The following ASB5 variants were observed in gnomAD, a reference collection of about 807,000 sequenced individuals.
ASB5 encodes ankyrin repeat and SOCS box containing 5.
ASB5 carries 45 observed loss-of-function variants against 42.1 expected under a neutral mutation model. The observed-to-expected ratio is 1.07, with a 90% confidence interval of 0.84 to 1.37. The LOEUF (loss-of-function observed/expected upper bound fraction) is 1.37. Among genes scored for constraint, ASB5 ranks in the 40% most tolerant of loss-of-function variants. ASB5 has a pLI of 0.00. For missense variants in ASB5, 402 were observed against 399.8 expected (o/e 1.01, Z -0.05); for synonymous variants, 147 against 150.6 (o/e 0.98, Z 0.18).
At chr4:176,258,867 C>T (rs1039820121) in intron 1 of ASB5, among the ~76,000 whole-genome samples, 3 of 152,142 alleles carry the variant, frequency 2.0e-5, no homozygotes, top group African/African-American at 4.8e-5. Context: ...TCAGTAGACT[C>T]CAAGTACTAA....
chr4:176,266,970 G>A (rs1339822774), intron 1 of ASB5, among the ~76,000 whole-genome samples: 2 of 152,132 alleles, frequency 1.3e-5, no homozygotes, highest in African/African-American at 4.8e-5. Flanking sequence ...AGTCTAATGA[G>A]GGGATGAGTG....
At chr4:176,242,079 C>T (rs935244574) in intron 1 of ASB5, among the ~76,000 whole-genome samples, 2 of 152,104 alleles carry the variant, frequency 1.3e-5, no homozygotes, top group Non-Finnish European at 2.9e-5. Context: ...TGTGCAAACA[C>T]CCACGGCACC....
chr4:176,257,560 A>AACATACCTT, intron 1 of ASB5, among the ~76,000 whole-genome samples: 1 of 152,216 alleles, frequency 6.6e-6, no homozygotes, highest in Non-Finnish European at 1.5e-5. Flanking sequence ...TTTGTATCAG[A>AACATACCTT]GGGAGTACCT....
intron 1 of ASB5, among the ~76,000 whole-genome samples, chr4:176,234,846 T>C (rs1157562268): frequency 6.6e-6 from 1 of 152,214 alleles, no homozygotes; most frequent in African/African-American, 2.4e-5. Context: ...GGGGCAATCA[T>C]ACTTACATAT....
chr4:176,260,955 G>A (rs1469541004), intron 1 of ASB5, among the ~76,000 whole-genome samples: 2 of 152,200 alleles, frequency 1.3e-5, no homozygotes, highest in Non-Finnish European at 2.9e-5. Context: ...GGTTACAGGC[G>A]TGAGCCACCA....
chr4:176,260,165 C>G (rs1754230234), intron 1 of ASB5, among the ~76,000 whole-genome samples: 1 of 152,110 alleles, frequency 6.6e-6, no homozygotes, highest in Admixed American at 6.5e-5. Flanking sequence ...TATTTTAAAG[C>G]CCAACTTATG....
At chr4:176,236,356 C>G (rs768596970) in intron 1 of ASB5, among the ~76,000 whole-genome samples, 2 of 152,110 alleles carry the variant, frequency 1.3e-5, no homozygotes, top group African/African-American at 4.8e-5. Flanking sequence ...CTGCTCCCCG[C>G]CTCTAGCACA....
chr4:176,235,179 G>T (rs966008866), intron 1 of ASB5, among the ~76,000 whole-genome samples: 4 of 152,104 alleles, frequency 2.6e-5, no homozygotes, highest in Non-Finnish European at 4.4e-5. Context: ...AAGAATTGTG[G>T]AATTGTGTTT....
chr4:176,245,306 T>C (rs1217808723), intron 1 of ASB5, among the ~76,000 whole-genome samples: 3 of 152,192 alleles, frequency 2.0e-5, no homozygotes, highest in Admixed American at 6.5e-5. Context: ...ATGCTCATCA[T>C]CACTGGTCAT....
intron 1 of ASB5, among the ~76,000 whole-genome samples, chr4:176,230,184 A>G (rs1057413766): frequency 2.6e-5 from 4 of 152,192 alleles, no homozygotes; most frequent in Admixed American, 2.0e-4. Flanking sequence ...ATAAATAATA[A>G]CTAGCATTAT....
At chr4:176,222,034 T>A (rs1482598173) in intron 3 of ASB5, among the ~76,000 whole-genome samples, 1 of 152,222 alleles carries the variant, frequency 6.6e-6, no homozygotes. Context: ...GCAAACGTTA[T>A]AGACCTAAAG....
chr4:176,268,175 A>G (rs1311950040), intron 1 of ASB5, among the ~76,000 whole-genome samples: 1 of 152,162 alleles, frequency 6.6e-6, no homozygotes, highest in Non-Finnish European at 1.5e-5. Flanking sequence ...GTACCGACCC[A>G]ATAGAACCTA....
intron 1 of ASB5, among the ~76,000 whole-genome samples, chr4:176,261,974 A>G (rs1350247237): frequency 6.6e-6 from 1 of 151,530 alleles, no homozygotes; most frequent in East Asian, 1.9e-4. Context: ...TATATTACAG[A>G]TATGTTGGTA....
chr4:176,250,262 G>A (rs1754008302), intron 1 of ASB5, among the ~76,000 whole-genome samples: 2 of 152,122 alleles, frequency 1.3e-5, no homozygotes, highest in South Asian at 2.1e-4. Flanking sequence ...TTCACAAAAG[G>A]TAGCTTGGGT....
rs1753238172 is a variant in ASB5 at position 176,222,336 on chromosome 4, T to C, written c.361A>G (p.Thr121Ala). 3.7e-6 allele frequency: 6 copies of C among 1,613,672 alleles called. No homozygotes were observed. The highest frequency in any genetic ancestry group is 5.1e-6 in the Non-Finnish European group (6 of 1,179,576). Residue 121 changes from threonine to alanine, a missense_variant, in exon 3 of 7, where the codon ACT becomes GCT. By Grantham distance (58) the Thr-to-Ala change is moderately conservative. Coordinates refer to ENST00000296525, the MANE Select transcript of ASB5 (RefSeq NM_080874.4). ...ACATTAGCTCCTGCTTCCAGCAGAG[T>C]TCTGGCACATGCCACGTGATCTCCA... ...CLGDHVACAR[T>A]LLEAGANVNA...
chr4:176,222,268 T>A (rs1467248765), intron 3 of ASB5, 45 bp downstream of exon 3: 1 of 1,510,018 alleles, frequency 6.6e-7, no homozygotes, highest in Non-Finnish European at 9.2e-7. Flanking sequence ...TTGGATTCCC[T>A]CCGTCAGTAG....
chr4:176,259,153 T>C (rs532013098), intron 1 of ASB5, among the ~76,000 whole-genome samples: 1 of 152,298 alleles, frequency 6.6e-6, no homozygotes, highest in African/African-American at 2.4e-5. Flanking sequence ...CTTTTAGTTC[T>C]TGGAGTTACA....
intron 1 of ASB5, among the ~76,000 whole-genome samples, chr4:176,261,401 T>C (rs2126976361): frequency 6.6e-6 from 1 of 152,314 alleles, no homozygotes; most frequent in African/African-American, 2.4e-5. Context: ...TATTAGAAAG[T>C]TCTTAACAGA....
chr4:176,257,513 C>G (rs1754177738), intron 1 of ASB5, among the ~76,000 whole-genome samples: 1 of 152,130 alleles, frequency 6.6e-6, no homozygotes, highest in Admixed American at 6.6e-5. Flanking sequence ...TTACTTTGCT[C>G]CAATCCTATG....
Sources: allele counts gnomAD v4.1 joint callset (sites outside exome capture counted in the v4.1 genomes callset), GRCh38; gene constraint gnomAD v4.1.1; transcripts MANE v1.5; gene names NCBI Gene and HGNC (gene_info 2026-07-23, HGNC 2026-07-21).